IPO5: variants seen among roughly 807,000 people sequenced by gnomAD.
IPO5 encodes importin 5.
A neutral mutation model predicts 143.3 loss-of-function variants in IPO5; 18 were observed. The ratio of observed to expected loss-of-function variants is 0.13; its 90% CI spans 0.09 to 0.19. The LOEUF (loss-of-function observed/expected upper bound fraction) is 0.19, where lower values mean the gene tolerates loss of function less well. IPO5 is among the 10% of genes least tolerant of loss of function. The pLI, the probability that IPO5 is intolerant of heterozygous loss-of-function variation, is 1.00. For synonymous variants in IPO5, 477 were observed against 465.7 expected (o/e 1.02, Z -0.31); for missense variants, 1,013 against 1,336.9 (o/e 0.76, Z 3.78).
intron 2 of IPO5, among the ~76,000 whole-genome samples, chr13:97,965,354 TA>T (rs954466335): frequency 1.3e-5 from 2 of 151,480 alleles, no homozygotes; most frequent in African/African-American, 2.4e-5. Context: ...ACTGAAAAAT[TA>T]AAAAAAAATC....
At position 98,010,138 on chromosome 13, in the gene IPO5, T is replaced by A; in HGVS notation, c.1969T>A (p.Trp657Arg). Residue 657 changes from tryptophan (W) to arginine (R), a missense_variant, in exon 20 of 29, where the codon TGG becomes AGG. Around this residue, in one of 2 missense-constraint regions of IPO5, gnomAD observed 685 missense variants for 994.9 expected, o/e 0.69. Coordinates refer to ENST00000651721, the MANE Select transcript of IPO5 (RefSeq NM_002271.6). ...GGAGAATATGAGTGATGATGATGGT[T>A]GGGAATTTGTGAACCTTGGAGATCA... Reference protein sequence around the residue: ...DMENMSDDDGWEFVNLGDQQS... With the variant: ...DMENMSDDDGREFVNLGDQQS... 1 of 1,614,164 alleles carries A rather than the reference T, an allele frequency of 6.2e-7. No individual in the cohort carries two copies. The highest frequency in any genetic ancestry group is 1.7e-5 in the Admixed American group (1 of 60,026).
At chr13:98,011,116 T>G (rs1417159630) in intron 20 of IPO5, among the ~76,000 whole-genome samples, 2 of 152,172 alleles carry the variant, frequency 1.3e-5, no homozygotes, top group Non-Finnish European at 2.9e-5. Context: ...GTATTTCTTA[T>G]TGTCATCTTC....
intron 3 of IPO5, chr13:97,976,061 G>A (rs1181507407): frequency 2.8e-6 from 2 of 707,396 alleles, no homozygotes; most frequent in Admixed American, 6.3e-5. Context: ...TGGATCCCAG[G>A]GAGCGAGGGA....
chr13:97,974,327 G>A (rs886791463), intron 3 of IPO5, among the ~76,000 whole-genome samples: 1 of 145,422 alleles, frequency 6.9e-6, no homozygotes, highest in Admixed American at 6.9e-5. Flanking sequence ...TTTTTTTTGA[G>A]ACGGAGTCTT....
intron 6 of IPO5, among the ~76,000 whole-genome samples, chr13:97,987,379 C>T (rs767088963): frequency 5.3e-5 from 8 of 151,984 alleles, no homozygotes; most frequent in Non-Finnish European, 7.4e-5. Flanking sequence ...GAGCTTACTA[C>T]ATTATGACAC....
chr13:97,965,400 A>G (rs1885248249), intron 2 of IPO5, among the ~76,000 whole-genome samples: 1 of 152,168 alleles, frequency 6.6e-6, no homozygotes, highest in East Asian at 1.9e-4. Context: ...AGGCAATTGG[A>G]ATTTTAATTG....
chr13:97,979,857 C>G (rs1205910240), intron 4 of IPO5: 1 of 456,308 alleles, frequency 2.2e-6, no homozygotes, highest in Non-Finnish European at 4.4e-6. Flanking sequence ...CAGAGGATAA[C>G]ATTGAAAAAT....
At chr13:97,990,627 A>G (rs934118071) in intron 9 of IPO5, 90 bp downstream of exon 9, 4 of 721,562 alleles carry the variant, frequency 5.5e-6, no homozygotes, top group African/African-American at 3.6e-5. Context: ...CATATTGCCT[A>G]TTATGTTCTG....
intron 11 of IPO5, among the ~76,000 whole-genome samples, chr13:97,993,569 A>G (rs1180125570): frequency 1.3e-5 from 2 of 152,242 alleles, no homozygotes; most frequent in Non-Finnish European, 2.9e-5. Context: ...ACTACAAACC[A>G]AAATAGCATG....
intron 2 of IPO5, among the ~76,000 whole-genome samples, chr13:97,964,635 G>A (rs1885160699): frequency 6.6e-6 from 1 of 151,690 alleles, no homozygotes; most frequent in Admixed American, 6.6e-5. Context: ...AAAAAAAGTA[G>A]AGACGGGGTT....
In IPO5 at chr13:98,020,706, A is replaced by G. The variant is rs561461082; in HGVS notation, c.3066-286A>G. 2.0e-5 allele frequency among the ~76,000 whole-genome samples: 3 copies of G among 152,316 alleles called. No homozygotes were observed. The East Asian group carries it at 5.8e-4, about 29-fold the overall frequency. On this transcript the variant is annotated intron_variant, in intron 27 of 28. Transcript: ENST00000651721. ...AGCTATTTTGTAGTAGCAAAATAAA[A>G]CTTGTGTTAAACTTATTTTTAATAA...
chr13:97,984,824 T>G (rs1887189707), intron 5 of IPO5, among the ~76,000 whole-genome samples: 1 of 152,222 alleles, frequency 6.6e-6, no homozygotes, highest in South Asian at 2.1e-4. Flanking sequence ...TTAGCTTTTC[T>G]TTTGATAATC....
At chr13:98,017,099 ATTT>A (rs200795329) in intron 25 of IPO5, among the ~76,000 whole-genome samples, 1 of 151,990 alleles carries the variant, frequency 6.6e-6, no homozygotes, top group Non-Finnish European at 1.5e-5. Flanking sequence ...TATATAAGTG[ATTT>A]TTTTTATTAT....
intron 28 of IPO5, 26 bp downstream of exon 28, chr13:98,021,159 A>G: frequency 1.3e-6 from 2 of 1,571,236 alleles, no homozygotes; most frequent in South Asian, 1.2e-5. Context: ...TGAATTGGGG[A>G]GGGGGAGATA....
At chr13:98,018,755 T>A (rs1890283892) in intron 26 of IPO5, 51 bp downstream of exon 26, 1 of 1,364,540 alleles carries the variant, frequency 7.3e-7, no homozygotes, top group Admixed American at 1.7e-5. Flanking sequence ...ATCCTGTGAA[T>A]CCCTACTTTA....
At chr13:97,993,769 A>G (rs556279284) in intron 11 of IPO5, among the ~76,000 whole-genome samples, 1 of 152,290 alleles carries the variant, frequency 6.6e-6, no homozygotes, top group Non-Finnish European at 1.5e-5. Context: ...TAACCTGATC[A>G]TTTTCTGGCC....
At position 98,021,122 on chromosome 13, in the gene IPO5, C is replaced by T. The variant is rs766849005; in HGVS notation, c.3196C>T (p.Arg1066Cys). 5.0e-6 allele frequency: 8 copies of T among 1,603,174 alleles called. No homozygotes were observed. The highest frequency in any genetic ancestry group is 2.3e-5 in the East Asian group (1 of 43,816). Residue 1066 changes from arginine to cysteine, a missense_variant, in exon 28 of 29, where the codon CGC becomes TGC. Arg to Cys is a radical substitution (Grantham distance 180). Around this residue, in one of 2 missense-constraint regions of IPO5, gnomAD observed 685 missense variants for 994.9 expected, o/e 0.69. Transcript: ENST00000651721. ...PCAKRLANVV[R>C]QVQTSGGLWT... is the part of the protein sequence containing the mutation. ...TGCCAAACGTCTGGCCAATGTCGTT[C>T]GCCAAGTACAGGTAAGCTGATTTGG...
Position 97,969,785 on chromosome 13 carries a change from C to A in IPO5, c.-50C>A. The A allele has an allele frequency of 6.2e-7, 1 of 1,612,378 alleles. No homozygotes were observed. Among genetic ancestry groups the A allele is most frequent in the Non-Finnish European group, 8.5e-7 (1 of 1,178,822 alleles). On this transcript the variant is annotated 5_prime_UTR_variant, in exon 3 of 29. It adds an upstream start codon to the 5' untranslated region. Transcript: ENST00000651721. ...AGTACTGCAGCATGTCTTCAAATGC[C>A]TGAGGATCAAGTTGGAAAACTAGAA...
At chr13:97,963,472 C>G (rs1313399562) in intron 2 of IPO5, among the ~76,000 whole-genome samples, 2 of 151,462 alleles carry the variant, frequency 1.3e-5, no homozygotes, top group African/African-American at 4.9e-5. Context: ...TGGGTTCAAG[C>G]AATTCCCTTG....
Sources: gnomAD v4.1 joint callset for allele counts (sites outside exome capture counted in the v4.1 genomes callset) on GRCh38, gnomAD v4.1.1 for gene constraint, gnomAD v4.1.1 regional missense constraint, MANE v1.5 for transcripts, NCBI Gene and HGNC (gene_info 2026-07-23, HGNC 2026-07-21) for gene names.